The following TENM1 variants were observed in gnomAD, a reference collection of about 807,000 sequenced individuals.
TENM1 encodes teneurin transmembrane protein 1.
TENM1 carries 35 observed loss-of-function variants against 174.8 expected under a neutral mutation model. That is an observed-to-expected ratio of 0.20 (90% confidence interval 0.15 to 0.27). The LOEUF is 0.27. Ranked by LOEUF, TENM1 falls within the 10% of genes least tolerant of loss-of-function variation. The pLI, the probability that TENM1 is intolerant of heterozygous loss-of-function variation, is 1.00. For synonymous variants in TENM1, 781 were observed against 798.7 expected (o/e 0.98, Z 0.37); for missense variants, 1,633 against 2,130.1 (o/e 0.77, Z 4.59).
chrX:125,182,562 G>C, the TENM1 span, among the ~76,000 whole-genome samples: 1 of 109,135 alleles, frequency 9.2e-6, no homozygotes, highest in African/African-American at 3.3e-5. Context: ...TTTGATATAT[G>C]AATCTTTTAA....
At chrX:124,736,162 G>T (rs1365995936) in intron 4 of TENM1, among the ~76,000 whole-genome samples, 1 of 112,276 alleles carries the variant, frequency 8.9e-6, no homozygotes, top group Non-Finnish European at 1.9e-5. Flanking sequence ...GAATTTCAAA[G>T]AAAATAGAAT....
At chrX:124,591,268 C>A (rs1002913800) in intron 11 of TENM1, among the ~76,000 whole-genome samples, 1 of 111,273 alleles carries the variant, frequency 9.0e-6, no homozygotes, top group Middle Eastern at 4.7e-3. Flanking sequence ...TTGATCCTAT[C>A]CTGAAGTTGT....
intron 4 of TENM1, among the ~76,000 whole-genome samples, chrX:124,721,897 A>G (rs1175552739): frequency 4.4e-5 from 5 of 112,503 alleles, no homozygotes; most frequent in Non-Finnish European, 9.4e-5. Flanking sequence ...ATACTTATAT[A>G]TGTACACATG....
intron 3 of TENM1, among the ~76,000 whole-genome samples, chrX:124,775,648 C>T (rs1476376806): frequency 8.9e-6 from 1 of 112,006 alleles, no homozygotes; most frequent in Non-Finnish European, 1.9e-5. Context: ...ATGTTTGCAG[C>T]TGGCTGTTAT....
chrX:124,754,130 G>A (rs977129401), intron 3 of TENM1, among the ~76,000 whole-genome samples: 4 of 111,342 alleles, frequency 3.6e-5, no homozygotes, highest in African/African-American at 9.8e-5. Flanking sequence ...GACTCTTTTC[G>A]TTGGTAAGCT....
At chrX:125,162,706 A>C in the TENM1 span, among the ~76,000 whole-genome samples, 1 of 111,571 alleles carries the variant, frequency 9.0e-6, no homozygotes, top group African/African-American at 3.3e-5. Flanking sequence ...TATTCCCTCC[A>C]TGGGCAATTG....
At chrX:124,832,763 C>A (rs753434229) in intron 3 of TENM1, among the ~76,000 whole-genome samples, 1 of 111,269 alleles carries the variant, frequency 9.0e-6, no homozygotes, top group African/African-American at 3.3e-5. Context: ...TTTGTAAAGA[C>A]GGGGTTTTGC....
At chrX:124,509,393 T>C (rs5956660) in intron 18 of TENM1, among the ~76,000 whole-genome samples, 8,694 of 110,635 alleles carry the variant, frequency 0.079, 382 homozygotes, top group African/African-American at 0.16. Flanking sequence ...TCCCTGTCCC[T>C]ACCCAGTAAA....
At chrX:124,730,159 C>A (rs112554408) in intron 4 of TENM1, among the ~76,000 whole-genome samples, 73 of 110,917 alleles carry the variant, frequency 6.6e-4, no homozygotes, top group African/African-American at 2.3e-3. Flanking sequence ...TGTGAGCCAC[C>A]GGGCCAGGCC....
chrX:124,991,198 G>A, the TENM1 span, among the ~76,000 whole-genome samples: 1 of 111,152 alleles, frequency 9.0e-6, no homozygotes, highest in Non-Finnish European at 1.9e-5. Context: ...TCTTACTTAG[G>A]AGCTTCATAT....
chrX:124,880,939 T>C (rs2057292338), intron 3 of TENM1, among the ~76,000 whole-genome samples: 1 of 112,012 alleles, frequency 8.9e-6, no homozygotes, highest in Admixed American at 9.5e-5. Flanking sequence ...TTTGTTGATG[T>C]TTTCTTGATG....
At chrX:124,551,698 T>A in intron 14 of TENM1, among the ~76,000 whole-genome samples, 1 of 112,054 alleles carries the variant, frequency 8.9e-6, no homozygotes, top group East Asian at 2.8e-4. Context: ...TTTATTATGT[T>A]CAGGTTTTGT....
At chrX:124,980,305 C>T in the TENM1 span, among the ~76,000 whole-genome samples, 41,157 of 110,244 alleles carry the variant, frequency 0.37, 6,920 homozygotes, top group African/African-American at 0.66. Context: ...AGTTATATGA[C>T]TGATAAGCGC....
chrX:124,981,583 G>A, the TENM1 span, among the ~76,000 whole-genome samples: 1 of 111,541 alleles, frequency 9.0e-6, no homozygotes, highest in Non-Finnish European at 1.9e-5. Context: ...CCCATGCCAG[G>A]AAATGCACAA....
intron 3 of TENM1, among the ~76,000 whole-genome samples, chrX:124,796,635 C>T (rs1420292647): frequency 5.4e-5 from 6 of 111,297 alleles, no homozygotes; most frequent in Non-Finnish European, 7.6e-5. Flanking sequence ...AAATATTGTT[C>T]TCTGCTGGGA....
At chrX:124,998,179 ATTG>A in the TENM1 span, among the ~76,000 whole-genome samples, 1 of 109,308 alleles carries the variant, frequency 9.1e-6, no homozygotes, top group African/African-American at 3.3e-5. Flanking sequence ...TAGCTATGAT[ATTG>A]TTGTTATTTA....
At chrX:124,402,402 A>G (rs1266353274) in intron 27 of TENM1, among the ~76,000 whole-genome samples, 1 of 112,118 alleles carries the variant, frequency 8.9e-6, no homozygotes, top group East Asian at 2.8e-4. Context: ...CTTATAGTCC[A>G]GTCCGCAAAT....
intron 3 of TENM1, among the ~76,000 whole-genome samples, chrX:124,812,207 G>T (rs1243585760): frequency 9.0e-6 from 1 of 111,132 alleles, no homozygotes; most frequent in Non-Finnish European, 1.9e-5. Context: ...TAACTAGCTA[G>T]ATTTAGCCAT....
chrX:124,735,249 G>GA (rs1161751614), intron 4 of TENM1, among the ~76,000 whole-genome samples: 1 of 111,409 alleles, frequency 9.0e-6, no homozygotes, highest in Non-Finnish European at 1.9e-5. Context: ...AAATCAACAA[G>GA]AAAAAAATAC....
Sources: allele counts gnomAD v4.1 joint callset (sites outside exome capture counted in the v4.1 genomes callset), GRCh38; gene constraint gnomAD v4.1.1; transcripts MANE v1.5; gene names NCBI Gene and HGNC (gene_info 2026-07-23, HGNC 2026-07-21).